USP50: variants seen among roughly 807,000 people sequenced by gnomAD.
The protein encoded by USP50 is ubiquitin specific peptidase 50.
Under a neutral mutation model 39.2 loss-of-function variants are expected in USP50, and 37 were observed. The observed-to-expected ratio is 0.94, with a 90% CI of 0.73 to 1.24. The LOEUF (loss-of-function observed/expected upper bound fraction) is 1.24, where lower values mean the gene tolerates loss of function less well. USP50 is among the 50% of genes most tolerant of loss of function. The pLI, the probability that USP50 is intolerant of heterozygous loss-of-function variation, is 0.00. For missense variants in USP50, 374 were observed against 398.2 expected (o/e 0.94, Z 0.52); for synonymous variants, 139 against 144.5 (o/e 0.96, Z 0.27).
rs2052574340 is a variant in USP50 at position 50,500,958 on chromosome 15, A to G, written c.937-121T>C. The stretch of plus-strand genomic sequence containing the variant: ...CCTTATTCTAAATTAAAAGGAAGTG[A>G]TAATTTTGTTGTTAAATCATGCATA... On this transcript the variant is annotated intron_variant, in intron 6 of 6. Coordinates refer to ENST00000532404, the MANE Select transcript of USP50 (RefSeq NM_203494.5). The G allele has an allele frequency of 5.8e-6, 5 of 858,450 alleles. No individual in the cohort carries two copies. In the South Asian group the frequency reaches 7.7e-5, roughly 13 times the overall value. 53.2% of individuals were successfully genotyped at this position (858,450 alleles called of 1,614,324 possible). A position where few individuals can be genotyped will look rare whatever the true frequency, so the allele number is the denominator to read the frequency against.
At chr15:50,525,464 TTG>T (rs1555395164) in intron 6 of USP50, among the ~76,000 whole-genome samples, 24 of 95,212 alleles carry the variant, frequency 2.5e-4, no homozygotes, top group African/African-American at 5.3e-4. Flanking sequence ...ATTCCACATT[TTG>T]TGTGTGTGTG....
intron 6 of USP50, among the ~76,000 whole-genome samples, chr15:50,525,969 A>G (rs1271651919): frequency 6.6e-6 from 1 of 152,120 alleles, no homozygotes; most frequent in African/African-American, 2.4e-5. Flanking sequence ...ACATGGGAAT[A>G]ATATACACCG....
intron 6 of USP50, among the ~76,000 whole-genome samples, chr15:50,525,678 GTATAT>G (rs1189458700): frequency 7.7e-6 from 1 of 129,242 alleles, no homozygotes; most frequent in African/African-American, 3.2e-5. Context: ...ATGTATATAT[GTATAT>G]TATATATGTA....
At chr15:50,497,015 A>G (rs1020838218), downstream of USP50, 46 of 1,519,048 alleles carry the variant, frequency 3.0e-5, no homozygotes, top group South Asian at 3.2e-4. Flanking sequence ...CAGAGTGACT[A>G]ACTAAATAGG....
chr15:50,540,934 TAAA>T, intron 4 of USP50, 112 bp downstream of exon 4: 1 of 807,208 alleles, frequency 1.2e-6, no homozygotes, highest in African/African-American at 1.7e-5. Flanking sequence ...TATTTTTTTT[TAAA>T]TTAAAGTTAT....
At chr15:50,517,537 C>G (rs1024809694) in intron 6 of USP50, among the ~76,000 whole-genome samples, 1 of 151,136 alleles carries the variant, frequency 6.6e-6, no homozygotes, top group South Asian at 2.1e-4. Flanking sequence ...TGGCATTAAA[C>G]CAGAAATTAA....
chr15:50,532,726 C>G (rs1305486226), intron 5 of USP50, among the ~76,000 whole-genome samples: 1 of 152,138 alleles, frequency 6.6e-6, no homozygotes, highest in Admixed American at 6.5e-5. Context: ...ACTAAGGGTT[C>G]TAACGAATAA....
At position 50,544,610 on chromosome 15, in the gene USP50, C is replaced by A. The variant is rs1206706019; in HGVS notation, c.225G>T (p.Gly75=). The A allele has an allele frequency of 1.2e-6, 2 of 1,613,356 alleles. No homozygotes were observed. The highest frequency in any genetic ancestry group is 3.3e-5 in the Admixed American group (2 of 59,928). Residue 75 remains glycine (G), a synonymous_variant, in exon 2 of 7, where the codon GGG becomes GGT. Transcript: ENST00000532404. ...ACTTTTGCAGAGCGGTGATATACTT[C>A]CCGGTGAGAAAGTATTCCACCAGCG... ...ILPLVEYFLT[G]KYITALQNDC...
chr15:50,497,998 A>G (rs1000169749), downstream of USP50, among the ~76,000 whole-genome samples: 4 of 152,130 alleles, frequency 2.6e-5, no homozygotes, highest in African/African-American at 9.6e-5. Context: ...AGTTTTTTCC[A>G]TTGTCCTAGT....
Position 50,529,785 on chromosome 15 carries a change from GT to G in USP50, c.936+11del, listed in dbSNP as rs1361612503. On this transcript the variant is annotated intron_variant, in intron 6 of 6. Transcript: ENST00000532404. The stretch of plus-strand genomic sequence containing the variant: ...AAAATTGGATTACTTTTAACAGTTT[GT>G]TTTTACTCACCACCACTGCACAGAG... 9 of 1,608,144 alleles carry G rather than the reference GT, an allele frequency of 5.6e-6. No individual in the cohort carries two copies. Among genetic ancestry groups the G allele is most frequent in the Non-Finnish European group, 6.8e-6 (8 of 1,178,350 alleles).
At chr15:50,493,770 G>T (rs959583251), downstream of USP50, 60 of 473,856 alleles carry the variant, frequency 1.3e-4, no homozygotes, top group Middle Eastern at 5.4e-4. Flanking sequence ...AGCCTTCTCT[G>T]ATTAGTAAAG....
At chr15:50,539,113 G>GGT (rs780868098) in intron 4 of USP50, among the ~76,000 whole-genome samples, 4 of 137,012 alleles carry the variant, frequency 2.9e-5, no homozygotes, top group African/African-American at 1.1e-4. Flanking sequence ...TTTTGGTTTT[G>GGT]TTTTTTTTTT....
intron 6 of USP50, chr15:50,512,999 A>G (rs75866571): frequency 0.17 from 25,666 of 152,184 alleles, 2,553 homozygotes; most frequent in Admixed American, 0.29. Context: ...CTTTCCAATC[A>G]ATAAGAAGAA....
At chr15:50,497,226 G>A (rs11857513), downstream of USP50, 48,452 of 1,602,510 alleles carry the variant, frequency 0.03, 1,080 homozygotes, top group East Asian at 0.12. Context: ...TAGTGCATCT[G>A]AAACGGTAAA....
intron 6 of USP50, chr15:50,501,482 A>T (rs2052587121): frequency 6.6e-6 from 1 of 151,106 alleles, no homozygotes; most frequent in African/African-American, 2.4e-5. Context: ...TTAAAATTGT[A>T]AGTTCATTTA....
intron 1 of USP50, among the ~76,000 whole-genome samples, chr15:50,545,731 GCA>G (rs1247878798): frequency 6.6e-6 from 1 of 151,774 alleles, no homozygotes; most frequent in African/African-American, 2.4e-5. Flanking sequence ...AGGAGAAAGA[GCA>G]CAGACTTTGT....
chr15:50,506,063 T>C (rs2052654031), intron 6 of USP50: 2 of 152,246 alleles, frequency 1.3e-5, no homozygotes, highest in African/African-American at 4.8e-5. Context: ...TGATTAACTT[T>C]AGGCTTTAAG....
chr15:50,531,973 G>T, intron 5 of USP50: 1 of 362,800 alleles, frequency 2.8e-6, no homozygotes, highest in Admixed American at 3.5e-5. Context: ...CCCAAAACTG[G>T]AAAAACAGAC....
At position 50,543,482 on chromosome 15, in the gene USP50, G is replaced by C. The variant is rs2135451; in HGVS notation, c.444+116C>G. ...TTGGATGTTCTCCATGGGACACCTA[G>C]CACAGTGCTTGGCACAAAGTAGACA... On this transcript the variant is annotated intron_variant, in intron 3 of 6. Transcript: ENST00000532404. The C allele has an allele frequency of 0.044, 43,884 of 997,778 alleles. 1,272 individuals are homozygous for C. Among genetic ancestry groups the C allele is most frequent in the African/African-American group, 0.11 (6,600 of 61,878 alleles). 61.8% of individuals were successfully genotyped at this position (997,778 alleles called of 1,614,324 possible).
Sources: gnomAD v4.1 joint callset for allele counts (sites outside exome capture counted in the v4.1 genomes callset) on GRCh38, gnomAD v4.1.1 for gene constraint, MANE v1.5 for transcripts, NCBI Gene and HGNC (gene_info 2026-07-23, HGNC 2026-07-21) for gene names.